ARID2: variants seen among roughly 807,000 people sequenced by gnomAD.
The protein encoded by ARID2 is AT-rich interaction domain 2.
ARID2 carries 32 observed loss-of-function variants against 184.6 expected under a neutral mutation model. The ratio of observed to expected loss-of-function variants is 0.17; its 90% CI spans 0.13 to 0.23. The LOEUF (loss-of-function observed/expected upper bound fraction) is 0.23, where lower values mean the gene tolerates loss of function less well. Ranked by LOEUF, ARID2 falls within the 10% of genes least tolerant of loss-of-function variation. ARID2 has a pLI of 1.00. For missense variants in ARID2, 1,696 were observed against 2,197.6 expected, an observed-to-expected ratio of 0.77 and a Z score of 4.56; for synonymous variants, 836 against 772.6, an observed-to-expected ratio of 1.08 and a Z score of -1.36.
chr12:45,776,571 G>A (rs1200294178), intron 3 of ARID2, among the ~76,000 whole-genome samples: 1 of 152,112 alleles, frequency 6.6e-6, no homozygotes, highest in African/African-American at 2.4e-5. Context: ...TGATTGTTTG[G>A]TACTGAGGAG....
At chr12:45,804,893 C>T (rs367924621) in intron 3 of ARID2, among the ~76,000 whole-genome samples, 1 of 151,854 alleles carries the variant, frequency 6.6e-6, no homozygotes, top group Non-Finnish European at 1.5e-5. Flanking sequence ...CAAATATATT[C>T]GATTTTTTGC....
chr12:45,876,409 A>T (rs2138211116), intron 16 of ARID2, among the ~76,000 whole-genome samples: 1 of 152,084 alleles, frequency 6.6e-6, no homozygotes, highest in South Asian at 2.1e-4. Flanking sequence ...AATTAGCCAG[A>T]TGTGGTGGCA....
intron 6 of ARID2, among the ~76,000 whole-genome samples, chr12:45,831,018 A>G (rs1368322327): frequency 6.6e-6 from 1 of 151,740 alleles, no homozygotes; most frequent in Non-Finnish European, 1.5e-5. Flanking sequence ...AGATCATGCC[A>G]CTAGTGACAG....
At chr12:45,862,094 A>C (rs1342733126) in intron 16 of ARID2, among the ~76,000 whole-genome samples, 1 of 152,208 alleles carries the variant, frequency 6.6e-6, no homozygotes, top group Non-Finnish European at 1.5e-5. Context: ...ATAGTATGCA[A>C]AATATCTATA....
intron 16 of ARID2, among the ~76,000 whole-genome samples, chr12:45,888,633 C>T (rs1307436284): frequency 6.6e-6 from 1 of 152,128 alleles, no homozygotes; most frequent in Non-Finnish European, 1.5e-5. Context: ...ATGACAATAG[C>T]CCTTATTTAT....
chr12:45,817,726 A>G lies in ARID2; in HGVS notation c.475A>G (p.Asn159Asp). The G allele has an allele frequency of 6.2e-7, 1 of 1,612,922 alleles. No individual in the cohort carries two copies. The highest frequency in any genetic ancestry group is 8.5e-7 in the Non-Finnish European group (1 of 1,179,808). ...SMDFNSPNDYNKLVLSLLSGL... is the reference protein window; with the variant it reads ...SMDFNSPNDYDKLVLSLLSGL... ...GGACTTTAATTCGCCAAATGATTATAATAAATTGGTGCTTTCACTGTTATC... is the reference window on the plus strand; with the variant it reads ...GGACTTTAATTCGCCAAATGATTATGATAAATTGGTGCTTTCACTGTTATC... Residue 159 changes from asparagine to aspartate, a missense_variant, in exon 5 of 21, where the codon AAT becomes GAT. By Grantham distance (23) the Asn-to-Asp change is conservative (BLOSUM62 1). This residue lies in a region of ARID2 where 148 missense variants were observed against 285.4 expected (regional missense o/e 0.52). Transcript: ENST00000334344.
intron 3 of ARID2, among the ~76,000 whole-genome samples, chr12:45,748,249 G>A (rs1159836825): frequency 2.6e-5 from 4 of 152,070 alleles, no homozygotes; most frequent in Non-Finnish European, 1.5e-5. Flanking sequence ...TAAGTAGCTG[G>A]TTATGATGGT....
At chr12:45,884,905 G>T (rs1404566270) in intron 16 of ARID2, among the ~76,000 whole-genome samples, 3 of 152,096 alleles carry the variant, frequency 2.0e-5, no homozygotes, top group Non-Finnish European at 4.4e-5. Flanking sequence ...AATCTGGATT[G>T]ACGGTAGCAC....
chr12:45,887,978 G>A (rs939435774), intron 16 of ARID2, among the ~76,000 whole-genome samples: 6 of 152,140 alleles, frequency 3.9e-5, no homozygotes, highest in Non-Finnish European at 8.8e-5. Flanking sequence ...GGCGGATCAC[G>A]AGGTCAGGAG....
At chr12:45,807,750 T>G (rs1475375615) in intron 3 of ARID2, among the ~76,000 whole-genome samples, 1 of 152,196 alleles carries the variant, frequency 6.6e-6, no homozygotes. Context: ...TGATCAGTTT[T>G]AAAATTTCCA....
rs1349459066 is a variant in ARID2 at position 45,851,275 on chromosome 12, A to C, written c.3152A>C (p.Gln1051Pro). Residue 1051 changes from glutamine (Q) to proline (P), a missense_variant, in exon 15 of 21, where the codon CAG becomes CCG. Coordinates refer to ENST00000334344, the MANE Select transcript of ARID2 (RefSeq NM_152641.4). ...CAACAGTCGAATGCAGGAGTTGGTC[A>C]GCCTGCCTCTGGTGAGTCGAGTCTG... is the stretch of plus-strand genomic sequence containing the variant. ...QPQQSNAGVG[Q>P]PASGESSLIK... 1.9e-6 allele frequency: 3 copies of C among 1,614,098 alleles called. No individual in the cohort carries two copies. In the African/African-American group the frequency reaches 4.0e-5, roughly 22 times the overall value.
chr12:45,773,964 T>C (rs1020936383), intron 3 of ARID2, among the ~76,000 whole-genome samples: 10 of 152,148 alleles, frequency 6.6e-5, no homozygotes, highest in Non-Finnish European at 1.3e-4. Context: ...CCCCTGTGAC[T>C]GGAGATTAAG....
At chr12:45,765,314 C>T (rs1592062259) in intron 3 of ARID2, among the ~76,000 whole-genome samples, 1 of 152,210 alleles carries the variant, frequency 6.6e-6, no homozygotes, top group Non-Finnish European at 1.5e-5. Flanking sequence ...TCAAGTGATC[C>T]TCCCATGATA....
At chr12:45,886,694 A>C (rs933008180) in intron 16 of ARID2, among the ~76,000 whole-genome samples, 1 of 152,170 alleles carries the variant, frequency 6.6e-6, no homozygotes, top group Non-Finnish European at 1.5e-5. Flanking sequence ...CCAAACCTCA[A>C]TTTTTGATTT....
At chr12:45,904,039 A>G (rs1944490916) in intron 20 of ARID2, among the ~76,000 whole-genome samples, 1 of 152,070 alleles carries the variant, frequency 6.6e-6, no homozygotes, top group Non-Finnish European at 1.5e-5. Context: ...CTCAGCCCCC[A>G]GCATCCCTTT....
intron 16 of ARID2, among the ~76,000 whole-genome samples, chr12:45,869,304 C>T (rs556010893): frequency 8.1e-4 from 124 of 152,216 alleles, no homozygotes; most frequent in South Asian, 6.4e-3. Flanking sequence ...CGTGCGCCAC[C>T]GTGCCCGGCC....
intron 11 of ARID2, among the ~76,000 whole-genome samples, chr12:45,843,528 A>T (rs1479777572): frequency 1.3e-5 from 2 of 151,754 alleles, no homozygotes; most frequent in African/African-American, 4.8e-5. Flanking sequence ...CACCACACCC[A>T]GCTAATTTTT....
intron 3 of ARID2, among the ~76,000 whole-genome samples, chr12:45,747,687 C>T (rs1453216511): frequency 6.6e-6 from 1 of 152,108 alleles, no homozygotes; most frequent in African/African-American, 2.4e-5. Flanking sequence ...GTCCCTAAAG[C>T]TTAACATTTT....
intron 3 of ARID2, among the ~76,000 whole-genome samples, chr12:45,744,390 T>A (rs1941319439): frequency 6.6e-6 from 1 of 152,180 alleles, no homozygotes; most frequent in African/African-American, 2.4e-5. Context: ...AGTATCTTTT[T>A]TTTAATCCAT....
Sources: allele counts gnomAD v4.1 joint callset (sites outside exome capture counted in the v4.1 genomes callset), GRCh38; gene constraint gnomAD v4.1.1; regional missense constraint gnomAD v4.1.1; transcripts MANE v1.5; gene names NCBI Gene and HGNC (gene_info 2026-07-23, HGNC 2026-07-21).